RBFOX1: variants seen among roughly 807,000 people sequenced by gnomAD.
RBFOX1 encodes the protein RNA binding fox-1 homolog 1.
Under a neutral mutation model 57.7 loss-of-function variants are expected in RBFOX1, and 8 were observed. That is an observed-to-expected ratio of 0.14 (90% confidence interval 0.08 to 0.25). The LOEUF is 0.25. Among genes scored for constraint, RBFOX1 ranks in the 10% least tolerant of loss-of-function variants. The probability of loss-of-function intolerance (pLI) is 1.00; values close to 1 mark genes in which losing one functional copy is unlikely to be tolerated. For synonymous variants in RBFOX1, 326 were observed against 222.4 expected (o/e 1.47, Z -4.15); for missense variants, 611 against 548.5 (o/e 1.11, Z -1.14).
At position 7,183,889 on chromosome 16, in the gene RBFOX1, A is replaced by G. The variant is rs547825115; in HGVS notation, c.27+131791A>G. Reference sequence around the variant, plus strand: ...CCTCATGGAACCACCATTCTAATTGAGGGAGTAGTTTAAAGGGGATAGATG... The same window carrying G: ...CCTCATGGAACCACCATTCTAATTGGGGGAGTAGTTTAAAGGGGATAGATG... On this transcript the variant is annotated intron_variant, in intron 4 of 15. Transcript: ENST00000550418. Among the ~76,000 whole-genome samples the G allele has an allele frequency of 1.7e-3, 256 of 152,312 alleles. 1 individual carries two copies. Among genetic ancestry groups the G allele is most frequent in the African/African-American group, 5.9e-3 (246 of 41,566 alleles).
intron 3 of RBFOX1, among the ~76,000 whole-genome samples, chr16:5,624,550 C>A (rs1299622576): frequency 2.6e-5 from 4 of 152,208 alleles, no homozygotes; most frequent in African/African-American, 9.6e-5. Flanking sequence ...CTGAGAACCC[C>A]CTGAGTTCCT....
At chr16:5,962,718 G>T (rs970302116) in intron 4 of RBFOX1, among the ~76,000 whole-genome samples, 1 of 151,946 alleles carries the variant, frequency 6.6e-6, no homozygotes, top group Admixed American at 6.6e-5. Context: ...TAGTAAAAGT[G>T]GTAATAGTGT....
chr16:6,376,776 C>G (rs1313098216), intron 2 of RBFOX1, among the ~76,000 whole-genome samples: 2 of 152,156 alleles, frequency 1.3e-5, no homozygotes, highest in African/African-American at 4.8e-5. Flanking sequence ...GGCTGGAAAT[C>G]TGAAATCGGG....
intron 3 of RBFOX1, among the ~76,000 whole-genome samples, chr16:6,874,751 C>A (rs1335436494): frequency 6.6e-6 from 1 of 151,736 alleles, no homozygotes; most frequent in Non-Finnish European, 1.5e-5. Context: ...TAAAAAATGA[C>A]ATAATGTACT....
At chr16:7,194,647 C>T (rs184287556) in intron 4 of RBFOX1, among the ~76,000 whole-genome samples, 3 of 152,206 alleles carry the variant, frequency 2.0e-5, no homozygotes, top group East Asian at 3.9e-4. Flanking sequence ...GTGAATTTAG[C>T]CCAGGCACAG....
chr16:6,607,926 A>AGTTTG (rs2097967210), intron 2 of RBFOX1, among the ~76,000 whole-genome samples: 2 of 152,202 alleles, frequency 1.3e-5, no homozygotes, highest in Non-Finnish European at 2.9e-5. Context: ...CTGAAATAGA[A>AGTTTG]TATATACAAA....
chr16:6,504,403 G>A (rs182081786), intron 2 of RBFOX1, among the ~76,000 whole-genome samples: 1 of 152,186 alleles, frequency 6.6e-6, no homozygotes, highest in African/African-American at 2.4e-5. Context: ...TTCTGATTCT[G>A]CTGGCACTGG....
At chr16:7,054,594 TA>T (rs1568564570) in intron 4 of RBFOX1, among the ~76,000 whole-genome samples, 1 of 148,546 alleles carries the variant, frequency 6.7e-6, no homozygotes, top group African/African-American at 2.4e-5. Context: ...AACTGGAAGG[TA>T]AATACCTGTC....
chr16:7,682,307 C>T (rs2074968859), intron 14 of RBFOX1, among the ~76,000 whole-genome samples: 2 of 151,976 alleles, frequency 1.3e-5, no homozygotes, highest in Admixed American at 1.3e-4. Context: ...TAAAACATGG[C>T]CATGCCAGAG....
At chr16:5,542,260 T>C (rs993289802) in intron 2 of RBFOX1, among the ~76,000 whole-genome samples, 3 of 149,438 alleles carry the variant, frequency 2.0e-5, no homozygotes, top group Non-Finnish European at 3.0e-5. Context: ...TTTTTTTTTT[T>C]TTTTTTGAGA....
At chr16:7,228,447 A>G (rs1328876074) in intron 4 of RBFOX1, among the ~76,000 whole-genome samples, 1 of 152,202 alleles carries the variant, frequency 6.6e-6, no homozygotes, top group African/African-American at 2.4e-5. Flanking sequence ...CAGAGTACCT[A>G]CTATGTGGCT....
chr16:6,804,818 C>A (rs577277768), intron 3 of RBFOX1, among the ~76,000 whole-genome samples: 2 of 152,152 alleles, frequency 1.3e-5, no homozygotes, highest in Non-Finnish European at 2.9e-5. Context: ...ACTCTGACTT[C>A]TTATAGGTAA....
intron 3 of RBFOX1, among the ~76,000 whole-genome samples, chr16:6,851,994 C>G (rs758024856): frequency 6.8e-6 from 1 of 147,576 alleles, no homozygotes; most frequent in African/African-American, 2.5e-5. Context: ...GGTGTGATCT[C>G]GGCTCACTGC....
intron 3 of RBFOX1, among the ~76,000 whole-genome samples, chr16:5,745,074 C>T (rs893121513): frequency 1.3e-5 from 2 of 152,148 alleles, no homozygotes; most frequent in African/African-American, 4.8e-5. Flanking sequence ...GGTATATCTC[C>T]CAGTGCTATC....
intron 4 of RBFOX1, among the ~76,000 whole-genome samples, chr16:7,254,629 A>T (rs1008229832): frequency 6.6e-6 from 1 of 151,930 alleles, no homozygotes; most frequent in East Asian, 1.9e-4. Context: ...AAGAGGAAAA[A>T]TTTTTCTTTT....
At chr16:7,465,357 A>G (rs1157425511) in intron 4 of RBFOX1, among the ~76,000 whole-genome samples, 1 of 152,186 alleles carries the variant, frequency 6.6e-6, no homozygotes, top group Non-Finnish European at 1.5e-5. Context: ...AGGCGCCATA[A>G]GGGCGGAGAC....
intron 4 of RBFOX1, among the ~76,000 whole-genome samples, chr16:7,460,308 C>G (rs899857808): frequency 6.7e-6 from 1 of 148,364 alleles, no homozygotes; most frequent in Non-Finnish European, 1.5e-5. Flanking sequence ...CCACGTATCT[C>G]TTCCACAGAC....
At chr16:7,289,568 T>C (rs2095719624) in intron 4 of RBFOX1, among the ~76,000 whole-genome samples, 1 of 152,124 alleles carries the variant, frequency 6.6e-6, no homozygotes, top group Non-Finnish European at 1.5e-5. Context: ...ATGATCATCA[T>C]GATTATCAGT....
chr16:6,606,242 C>G (rs1601322560), intron 2 of RBFOX1, among the ~76,000 whole-genome samples: 1 of 152,136 alleles, frequency 6.6e-6, no homozygotes, highest in Non-Finnish European at 1.5e-5. Flanking sequence ...TGAAGTACTA[C>G]TGCCTTTGAT....
Sources: allele counts gnomAD v4.1 joint callset (sites outside exome capture counted in the v4.1 genomes callset), GRCh38; gene constraint gnomAD v4.1.1; transcripts MANE v1.5; gene names NCBI Gene and HGNC (gene_info 2026-07-23, HGNC 2026-07-21).